The following PDE1C variants were observed in gnomAD, a reference collection of about 807,000 sequenced individuals.
PDE1C encodes the protein phosphodiesterase 1C.
In PDE1C, 62 loss-of-function variants were observed where a neutral mutation model predicts 93.1. The observed-to-expected ratio is 0.67, with a 90% CI of 0.54 to 0.82. PDE1C has a LOEUF of 0.82. PDE1C is among the 40% of genes least tolerant of loss of function. The pLI, the probability that PDE1C is intolerant of heterozygous loss-of-function variation, is 0.00. For missense variants in PDE1C, 742 were observed against 884.6 expected (o/e 0.84, Z 2.04); for synonymous variants, 325 against 310.1 (o/e 1.05, Z -0.50).
At chr7:32,307,693 G>A (rs888455482) in intron 1 of PDE1C, among the ~76,000 whole-genome samples, 1 of 152,128 alleles carries the variant, frequency 6.6e-6, no homozygotes, top group Non-Finnish European at 1.5e-5. Context: ...AGGTTCACAC[G>A]ATCAAAGCAC....
chr7:31,768,122 T>C (rs1208270732), intron 17 of PDE1C, among the ~76,000 whole-genome samples: 1 of 152,234 alleles, frequency 6.6e-6, no homozygotes, highest in Non-Finnish European at 1.5e-5. Context: ...TCTATCTAAA[T>C]AGCTTGTTTA....
chr7:32,000,681 G>C (rs1329226175), intron 2 of PDE1C, among the ~76,000 whole-genome samples: 1 of 152,094 alleles, frequency 6.6e-6, no homozygotes, highest in Non-Finnish European at 1.5e-5. Flanking sequence ...ACACGCTCAT[G>C]TCCCATGGGA....
intron 1 of PDE1C, among the ~76,000 whole-genome samples, chr7:32,334,381 C>T (rs1340031061): frequency 2.0e-5 from 3 of 152,020 alleles, no homozygotes; most frequent in Non-Finnish European, 4.4e-5. Context: ...TCTTTTGCCT[C>T]AATATTAGGA....
At chr7:31,621,552 A>G in the PDE1C span, among the ~76,000 whole-genome samples, 1 of 148,284 alleles carries the variant, frequency 6.7e-6, no homozygotes, top group Non-Finnish European at 1.5e-5. Context: ...AGACAAGCAA[A>G]TGCTGAGAGA....
intron 2 of PDE1C, among the ~76,000 whole-genome samples, chr7:31,984,354 C>T (rs1783092584): frequency 6.6e-6 from 1 of 152,102 alleles, no homozygotes; most frequent in African/African-American, 2.4e-5. Flanking sequence ...ACAGTTTCAT[C>T]CTAAAACCAT....
At chr7:32,399,581 CTTTTTTTT>C (rs34748013) in intron 1 of PDE1C, among the ~76,000 whole-genome samples, 1 of 117,566 alleles carries the variant, frequency 8.5e-6, no homozygotes, top group Non-Finnish European at 1.7e-5. Flanking sequence ...CTTCATTTAA[CTTTTTTTT>C]TTTTTTTTTT....
intron 5 of PDE1C, among the ~76,000 whole-genome samples, chr7:31,873,913 C>G (rs1796234138): frequency 6.6e-6 from 1 of 152,208 alleles, no homozygotes; most frequent in Non-Finnish European, 1.5e-5. Flanking sequence ...CTCTGAACTT[C>G]TCTGCAATCC....
chr7:31,901,020 G>T (rs1799907938), intron 2 of PDE1C, among the ~76,000 whole-genome samples: 1 of 150,520 alleles, frequency 6.6e-6, no homozygotes, highest in Non-Finnish European at 1.5e-5. Flanking sequence ...TTTTTTAAAT[G>T]ATAAAGAATA....
chr7:32,169,983 A>G (rs778481146), intron 2 of PDE1C: 1 of 1,597,956 alleles, frequency 6.3e-7, no homozygotes, highest in Non-Finnish European at 8.5e-7. Flanking sequence ...AGAGAGATGC[A>G]GGTGAATCAT....
intron 2 of PDE1C, among the ~76,000 whole-genome samples, chr7:31,935,519 G>A (rs1804923356): frequency 6.6e-6 from 1 of 152,076 alleles, no homozygotes; most frequent in Admixed American, 6.6e-5. Context: ...CCATCAATGC[G>A]AAGGTCAGGG....
Position 31,752,025 on chromosome 7 carries a change from A to T in PDE1C, c.*1359T>A, listed in dbSNP as rs1209427602. On this transcript the variant is annotated 3_prime_UTR_variant, in exon 18 of 18. Transcript: ENST00000396191. ...GCCAGGCTCAGCCACAGCAACCAAA[A>T]CCTACATTATCATTAATCTTCAATA... The T allele has an allele frequency of 6.6e-6, 1 of 152,110 alleles. No homozygotes were observed. The highest frequency in any genetic ancestry group is 2.1e-4 in the South Asian group (1 of 4,820). 9.4% of individuals were successfully genotyped at this position (152,110 alleles called of 1,614,324 possible).
At chr7:31,787,385 G>A (rs1280939903) in intron 16 of PDE1C, 2 of 152,156 alleles carry the variant, frequency 1.3e-5, no homozygotes, top group Non-Finnish European at 2.9e-5. Context: ...TCTCTTGTCT[G>A]CTGCCATAAA....
rs1270362363 is a variant in PDE1C at position 32,209,540 on chromosome 7, C to T, written c.86-1G>A. On this transcript the variant is annotated splice_acceptor_variant, in intron 1 of 18. Coordinates refer to the PDE1C transcript ENST00000396193. LOFTEE classifies it high-confidence loss of function. The stretch of plus-strand genomic sequence containing the variant: ...TTCTTGTCTCCAGCTTCATTTGCAA[C>T]TAGAAAAAAAAAAGAGGATGCAATT... 8 of 1,545,844 alleles carry T rather than the reference C, an allele frequency of 5.2e-6. No individual in the cohort carries two copies. Among genetic ancestry groups the T allele is most frequent in the Non-Finnish European group, 6.9e-6 (8 of 1,151,252 alleles).
At chr7:32,353,556 GT>G (rs909878304) in intron 1 of PDE1C, among the ~76,000 whole-genome samples, 3 of 15,374 alleles carry the variant, frequency 2.0e-4, no homozygotes, top group African/African-American at 2.7e-4. Flanking sequence ...TGTAGTTTTT[GT>G]TTTTTTTTTT....
At chr7:31,874,081 A>T (rs1052899684) in intron 5 of PDE1C, among the ~76,000 whole-genome samples, 8 of 152,212 alleles carry the variant, frequency 5.3e-5, no homozygotes, top group Non-Finnish European at 8.8e-5. Flanking sequence ...ATTTCATATG[A>T]CAGAAAAATG....
chr7:31,621,113 G>C, the PDE1C span, among the ~76,000 whole-genome samples: 3 of 152,066 alleles, frequency 2.0e-5, no homozygotes, highest in Non-Finnish European at 4.4e-5. Context: ...TATGTGAAAA[G>C]ACCAAATCTA....
At chr7:31,778,970 T>C (rs565033058) in intron 16 of PDE1C, among the ~76,000 whole-genome samples, 1 of 152,206 alleles carries the variant, frequency 6.6e-6, no homozygotes, top group East Asian at 1.9e-4. Flanking sequence ...AACCAACCCA[T>C]TGTCTGGGTT....
intron 3 of PDE1C, among the ~76,000 whole-genome samples, chr7:32,154,052 G>C (rs1465215391): frequency 3.3e-5 from 5 of 152,190 alleles, no homozygotes; most frequent in Admixed American, 3.3e-4. Context: ...CCAGGAGTTT[G>C]ACGCCAGCCT....
chr7:32,310,782 T>A (rs1232630260), intron 1 of PDE1C, among the ~76,000 whole-genome samples: 2 of 151,144 alleles, frequency 1.3e-5, no homozygotes, highest in African/African-American at 2.4e-5. Flanking sequence ...TAGCACTAAA[T>A]GCCCACAAGA....
Sources: allele counts gnomAD v4.1 joint callset (sites outside exome capture counted in the v4.1 genomes callset), GRCh38; gene constraint gnomAD v4.1.1; transcripts MANE v1.5; gene names NCBI Gene and HGNC (gene_info 2026-07-23, HGNC 2026-07-21).